JMY: variants seen among roughly 807,000 people sequenced by gnomAD.
JMY encodes junction-mediating and -regulatory protein.
Under a neutral mutation model 103.3 loss-of-function variants are expected in JMY, and 46 were observed. The ratio of observed to expected loss-of-function variants is 0.45; its 90% CI spans 0.35 to 0.57. JMY has a LOEUF of 0.57. Among genes scored for constraint, JMY ranks in the 20% least tolerant of loss-of-function variants. JMY has a pLI of 0.00. For synonymous variants in JMY, 526 were observed against 489.3 expected (o/e 1.07, Z -0.99); for missense variants, 1,238 against 1,255.2 (o/e 0.99, Z 0.21).
At chr5:79,265,044 G>C (rs1430931482) in intron 1 of JMY, among the ~76,000 whole-genome samples, 2 of 152,040 alleles carry the variant, frequency 1.3e-5, no homozygotes, top group African/African-American at 4.8e-5. Flanking sequence ...TCCTGCCTCA[G>C]CCTCCTGAGT....
chr5:79,300,093 C>A, intron 4 of JMY, 60 bp from the exon 5 acceptor site: 1 of 1,410,578 alleles, frequency 7.1e-7, no homozygotes, highest in Non-Finnish European at 1.0e-6. Flanking sequence ...ATTTTTAATA[C>A]TAACTCAATT....
intron 1 of JMY, among the ~76,000 whole-genome samples, chr5:79,243,287 T>C (rs1481877977): frequency 7.4e-6 from 1 of 135,580 alleles, no homozygotes; most frequent in East Asian, 2.3e-4. Context: ...CTAAGATTAG[T>C]TTTAAAACTC....
At chr5:79,249,501 G>C (rs1745010692) in intron 1 of JMY, among the ~76,000 whole-genome samples, 1 of 152,160 alleles carries the variant, frequency 6.6e-6, no homozygotes, top group African/African-American at 2.4e-5. Flanking sequence ...GTTGGCTCTT[G>C]AGCAGGTTTT....
At chr5:79,249,430 T>C (rs1745008525) in intron 1 of JMY, among the ~76,000 whole-genome samples, 1 of 152,256 alleles carries the variant, frequency 6.6e-6, no homozygotes, top group African/African-American at 2.4e-5. Context: ...TGAAGCTGCC[T>C]AGATGCTTGC....
intron 4 of JMY, among the ~76,000 whole-genome samples, chr5:79,293,537 G>T (rs923529690): frequency 6.6e-6 from 1 of 152,018 alleles, no homozygotes; most frequent in Non-Finnish European, 1.5e-5. Context: ...GAGATTATAG[G>T]TGTGAGCCAC....
intron 1 of JMY, among the ~76,000 whole-genome samples, chr5:79,259,721 C>T (rs989358522): frequency 6.6e-6 from 1 of 152,246 alleles, no homozygotes; most frequent in Non-Finnish European, 1.5e-5. Context: ...TGTGACAGAC[C>T]TAGGGTTGGC....
intron 6 of JMY, among the ~76,000 whole-genome samples, chr5:79,302,918 C>A (rs549995450): frequency 6.6e-6 from 1 of 152,256 alleles, no homozygotes; most frequent in East Asian, 1.9e-4. Context: ...CTGTCTAGAT[C>A]TGACACTTTG....
At chr5:79,318,070 C>T (rs373236897) in intron 10 of JMY, among the ~76,000 whole-genome samples, 90 of 152,218 alleles carry the variant, frequency 5.9e-4, no homozygotes, top group Non-Finnish European at 6.3e-4. Flanking sequence ...GACATGATCT[C>T]GGCTCGCTGC....
rs867700070 is a variant in JMY, at chr5:79,284,173, G to A, written c.1207-5948G>A. The A allele has an allele frequency of 3.7e-5, 58 of 1,564,744 alleles. 1 individual carries two copies. Among genetic ancestry groups the A allele is most frequent in the East Asian group, 2.2e-4 (10 of 44,662 alleles). On this transcript the variant is annotated intron_variant, in intron 2 of 10. Coordinates refer to ENST00000396137, the MANE Select transcript of JMY (RefSeq NM_152405.5). ...ACTGGTGGTTCAAAACCATCAGCTCGTTCAACTTTAGCACCTCTCTCGTCC... is the reference window on the plus strand; with the variant it reads ...ACTGGTGGTTCAAAACCATCAGCTCATTCAACTTTAGCACCTCTCTCGTCC...
intron 6 of JMY, among the ~76,000 whole-genome samples, chr5:79,305,329 G>A (rs537709697): frequency 6.6e-6 from 1 of 152,148 alleles, no homozygotes; most frequent in East Asian, 1.9e-4. Context: ...GCATGCGCCT[G>A]TAGTCCCAGC....
chr5:79,310,029 A>T (rs1227547790), intron 7 of JMY, among the ~76,000 whole-genome samples: 18 of 149,706 alleles, frequency 1.2e-4, no homozygotes, highest in Non-Finnish European at 2.5e-4. Flanking sequence ...CAGGAGTAAA[A>T]ATTAGTAAAT....
chr5:79,285,763 T>C (rs906622412), intron 2 of JMY, among the ~76,000 whole-genome samples: 4 of 152,112 alleles, frequency 2.6e-5, no homozygotes, highest in Admixed American at 1.3e-4. Flanking sequence ...ATATTCACAG[T>C]TTTTTCCCCC....
Position 79,314,666 on chromosome 5 carries a change from C to G in JMY, c.2474C>G (p.Pro825Arg). The change falls in exon 9 of 11, where the codon CCT becomes CGT. Residue 825 changes from proline to arginine, a missense_variant. Pro to Arg is a moderately radical substitution (Grantham distance 103). Coordinates refer to ENST00000396137, the MANE Select transcript of JMY (RefSeq NM_152405.5). ...PPPPPPPPPP[P>R]LPVAKDSGPE... ...CCTCCCCCTCCCCCACCACCACCAC[C>G]TCTGCCTGTTGCTAAGGACAGTGGC... is the stretch of plus-strand genomic sequence containing the variant. 6.2e-7 allele frequency: 1 copy of G among 1,608,730 alleles called. No individual in the cohort carries two copies. Among genetic ancestry groups the G allele is most frequent in the Non-Finnish European group, 8.5e-7 (1 of 1,178,460 alleles).
At position 79,312,488 on chromosome 5, in the gene JMY, C is replaced by A; in HGVS notation, c.2054C>A (p.Thr685Lys). Residue 685 changes from threonine (T) to lysine (K), a missense_variant, in exon 8 of 11, where the codon ACA (threonine) becomes AAA (lysine). Coordinates refer to ENST00000396137, the MANE Select transcript of JMY (RefSeq NM_152405.5). ...ERQRTLDRLR[T>K]FKQRYPGQVI... ...CAGAGAACACTGGATAGACTTCGAACATTTAAACAGGTATTAAAAGTAATG... is the reference window on the plus strand; with the variant it reads ...CAGAGAACACTGGATAGACTTCGAAAATTTAAACAGGTATTAAAAGTAATG... The A allele has an allele frequency of 4.6e-6, 7 of 1,511,742 alleles. No individual in the cohort carries two copies. The highest frequency in any genetic ancestry group is 1.4e-5 in the African/African-American group (1 of 70,172). 93.6% of individuals were successfully genotyped at this position (1,511,742 alleles called of 1,614,324 possible). A position where few individuals can be genotyped will look rare whatever the true frequency, so the allele number is the denominator to read the frequency against.
chr5:79,288,375 A>G (rs908986189), intron 2 of JMY, among the ~76,000 whole-genome samples: 2 of 152,102 alleles, frequency 1.3e-5, no homozygotes, highest in African/African-American at 2.4e-5. Context: ...TACCCGTCAA[A>G]ATCCTACCCC....
chr5:79,246,034 C>G (rs1345056438), intron 1 of JMY, among the ~76,000 whole-genome samples: 2 of 152,172 alleles, frequency 1.3e-5, no homozygotes, highest in Non-Finnish European at 2.9e-5. Context: ...CTTTGAAGTA[C>G]AAAGGGCATT....
intron 4 of JMY, among the ~76,000 whole-genome samples, chr5:79,296,449 T>G (rs759254183): frequency 6.6e-6 from 1 of 152,232 alleles, no homozygotes; most frequent in Non-Finnish European, 1.5e-5. Flanking sequence ...AAACTTGCCC[T>G]TAACATCATT....
chr5:79,283,744 CTT>C lies in JMY; in HGVS notation c.1206+5663_1206+5664del, dbSNP rs147620202. Among the ~76,000 whole-genome samples the C allele has an allele frequency of 4.4e-3, 671 of 152,320 alleles. 7 individuals carry two copies. The highest frequency in any genetic ancestry group is 0.016 in the African/African-American group (648 of 41,574). ...AACTCTAGGAATGGACCTCAGCAAT[CTT>C]TGTTTTGACAAGCTTTCCAGGTGAT... On this transcript the variant is annotated intron_variant, in intron 2 of 10. Transcript: ENST00000396137.
chr5:79,313,560 A>G (rs187327555), intron 8 of JMY, among the ~76,000 whole-genome samples: 21 of 152,328 alleles, frequency 1.4e-4, no homozygotes, highest in Non-Finnish European at 2.6e-4. Flanking sequence ...TAAAAATGCC[A>G]AGTAACCTGT....
Sources: gnomAD v4.1 joint callset for allele counts (sites outside exome capture counted in the v4.1 genomes callset) on GRCh38, gnomAD v4.1.1 for gene constraint, MANE v1.5 for transcripts, NCBI Gene and HGNC (gene_info 2026-07-23, HGNC 2026-07-21) for gene names.